HTR6: variants seen among roughly 807,000 people sequenced by gnomAD.
The protein encoded by HTR6 is 5-hydroxytryptamine receptor 6.
A neutral mutation model predicts 17.4 loss-of-function variants in HTR6; 15 were observed. The ratio of observed to expected loss-of-function variants is 0.86; its 90% CI spans 0.58 to 1.33. The LOEUF (loss-of-function observed/expected upper bound fraction) is 1.33. Ranked by LOEUF, HTR6 falls within the 40% of genes most tolerant of loss-of-function variation. The pLI, the probability that HTR6 is intolerant of heterozygous loss-of-function variation, is 0.00. For missense variants in HTR6, 578 were observed against 616.0 expected, an observed-to-expected ratio of 0.94 and a Z score of 0.65; for synonymous variants, 326 against 295.5, an observed-to-expected ratio of 1.10 and a Z score of -1.06.
At position 19,665,645 on chromosome 1, in the gene HTR6, A is replaced by G. The variant is rs2095080404; in HGVS notation, c.-109A>G. 8.5e-6 allele frequency: 6 copies of G among 705,650 alleles called. No individual in the cohort carries two copies. Among genetic ancestry groups the G allele is most frequent in the Admixed American group, 3.0e-5 (1 of 33,480 alleles). 43.7% of individuals were successfully genotyped at this position (705,650 alleles called of 1,614,324 possible). A position where few individuals can be genotyped will look rare whatever the true frequency, so the allele number is the denominator to read the frequency against. ...CTCACCTCCCCCGGGGGGCGTGGTG[A>G]GTCGCGGTCTGTTCTCACGGACGGT... is the stretch of plus-strand genomic sequence containing the variant. On this transcript the variant is annotated 5_prime_UTR_variant, in exon 1 of 3. Coordinates refer to ENST00000289753, the MANE Select transcript of HTR6 (RefSeq NM_000871.3). The surrounding 1 kb of genome is among the most constrained non-coding windows in gnomAD (Gnocchi z 4.2).
Position 19,666,665 on chromosome 1 carries a change from G to T in HTR6, c.714+198G>T, listed in dbSNP as rs2095082097. Among the ~76,000 whole-genome samples the T allele has an allele frequency of 1.3e-5, 2 of 152,000 alleles. No homozygotes were observed. The highest frequency in any genetic ancestry group is 6.6e-5 in the Admixed American group (1 of 15,242). On this transcript the variant is annotated intron_variant, in intron 1 of 2. Coordinates refer to ENST00000289753, the MANE Select transcript of HTR6 (RefSeq NM_000871.3). This position sits in a 1 kb window ranked among gnomAD's most constrained non-coding sequence, Gnocchi z 4.5. Reference sequence around the variant, plus strand: ...AGGATAGCTCCGTCAGGATTTGGGGGCAGGCTTCTCCCAGGTACCATGTAC... The same window carrying T: ...AGGATAGCTCCGTCAGGATTTGGGGTCAGGCTTCTCCCAGGTACCATGTAC...
At chr1:19,677,218 TTGTG>T (rs10582325) in intron 1 of HTR6, among the ~76,000 whole-genome samples, 60 of 148,540 alleles carry the variant, frequency 4.0e-4, no homozygotes, top group Non-Finnish European at 5.8e-4. Flanking sequence ...GGGGAGAGGT[TTGTG>T]TGTGTGTGTG....
chr1:19,675,283 G>A (rs1426131851), intron 1 of HTR6, among the ~76,000 whole-genome samples: 1 of 152,178 alleles, frequency 6.6e-6, no homozygotes, highest in Non-Finnish European at 1.5e-5. Context: ...CTCTCATAAA[G>A]ACTGAATGAC....
Position 19,664,913 on chromosome 1 carries a change from G to A in HTR6, c.-841G>A, listed in dbSNP as rs1322291145. On this transcript the variant is annotated 5_prime_UTR_variant, in exon 1 of 3. Coordinates refer to ENST00000289753, the MANE Select transcript of HTR6 (RefSeq NM_000871.3). The surrounding 1 kb of genome is among the most constrained non-coding windows in gnomAD (Gnocchi z 4.7). The stretch of plus-strand genomic sequence containing the variant: ...CCTCCGCGCGTGCGGGCCCCTCGCG[G>A]CGCCTCCCGGGCTCGGGAGACCCGG... Among the ~76,000 whole-genome samples the A allele has an allele frequency of 6.7e-6, 1 of 149,828 alleles. No homozygotes were observed. Among genetic ancestry groups the A allele is most frequent in the Non-Finnish European group, 1.5e-5 (1 of 67,138 alleles).
At chr1:19,668,026 CACCCAGGT>C (rs2095083682) in intron 1 of HTR6, among the ~76,000 whole-genome samples, 1 of 152,242 alleles carries the variant, frequency 6.6e-6, no homozygotes. Context: ...TTGCCTGTCC[CACCCAGGT>C]GGGTGAGGCC....
At chr1:19,673,263 C>A (rs1472076314) in intron 1 of HTR6, among the ~76,000 whole-genome samples, 3 of 152,142 alleles carry the variant, frequency 2.0e-5, no homozygotes, top group African/African-American at 7.2e-5. Flanking sequence ...TATTTTAGTG[C>A]CATTTTACAG....
chr1:19,679,322 C>T lies in HTR6; in HGVS notation c.1277C>T (p.Ala426Val), dbSNP rs775038337. Reference sequence around the variant, plus strand: ...GTCAATTTCTTCAACATCGACCCCGCGGAGCCCGAGCTGCGGCCGCATCCA... The same window carrying T: ...GTCAATTTCTTCAACATCGACCCCGTGGAGCCCGAGCTGCGGCCGCATCCA... The part of the protein sequence containing the change: ...AAVNFFNIDP[A>V]EPELRPHPLG... Residue 426 changes from alanine to valine, a missense_variant, in exon 3 of 3, where the codon GCG becomes GTG. By Grantham distance (64) the Ala-to-Val change is moderately conservative (BLOSUM62 0). Coordinates refer to ENST00000289753, the MANE Select transcript of HTR6 (RefSeq NM_000871.3). This position sits in a 1 kb window ranked among gnomAD's most constrained non-coding sequence, Gnocchi z 4.9. The T allele has an allele frequency of 1.5e-5, 24 of 1,604,048 alleles. No homozygotes were observed. The highest frequency in any genetic ancestry group is 2.0e-4 in the Middle Eastern group (1 of 5,048).
rs1182827569 is a variant in HTR6, at chr1:19,665,462, GC to G, written c.-290del. 1.4e-5 allele frequency: 5 copies of G among 354,338 alleles called. No individual in the cohort carries two copies. Among genetic ancestry groups the G allele is most frequent in the Non-Finnish European group, 2.5e-5 (5 of 199,854 alleles). The allele number at this position is 354,338 out of a possible 1,614,324, so 21.9% of individuals were successfully genotyped here. A position where few individuals can be genotyped will look rare whatever the true frequency, so the allele number is the denominator to read the frequency against. On this transcript the variant is annotated 5_prime_UTR_variant, in exon 1 of 3. Coordinates refer to ENST00000289753, the MANE Select transcript of HTR6 (RefSeq NM_000871.3). The surrounding 1 kb of genome is among the most constrained non-coding windows in gnomAD (Gnocchi z 4.2). ...TGACTTCCCGCCGCTTCCTTCAGGGGCCTCGGCTCATCGGGTGCCCCTCCCC... is the reference window on the plus strand; with the variant it reads ...TGACTTCCCGCCGCTTCCTTCAGGGGCTCGGCTCATCGGGTGCCCCTCCCC...
Position 19,665,456 on chromosome 1 carries a change from T to G in HTR6, c.-298T>G, listed in dbSNP as rs202017131. On this transcript the variant is annotated 5_prime_UTR_variant, in exon 1 of 3. Transcript: ENST00000289753. The surrounding 1 kb of genome is among the most constrained non-coding windows in gnomAD (Gnocchi z 4.2). ...TCTGCTTGACTTCCCGCCGCTTCCT[T>G]CAGGGGCCTCGGCTCATCGGGTGCC... 31 of 332,872 alleles carry G rather than the reference T, an allele frequency of 9.3e-5. No homozygotes were observed. Among genetic ancestry groups the G allele is most frequent in the Non-Finnish European group, 1.5e-4 (28 of 186,066 alleles). The allele number at this position is 332,872 out of a possible 1,614,324, so 20.6% of individuals were successfully genotyped here. A position where few individuals can be genotyped will look rare whatever the true frequency, so the allele number is the denominator to read the frequency against.
At position 19,666,030 on chromosome 1, in the gene HTR6, G is replaced by C; in HGVS notation, c.277G>C (p.Val93Leu). 6.2e-7 allele frequency: 1 copy of C among 1,613,670 alleles called. No individual in the cohort carries two copies. The highest frequency in any genetic ancestry group is 8.5e-7 in the Non-Finnish European group (1 of 1,179,860). ...AMLNALYGRWVLARGLCLLWT... is the reference protein window; with the variant it reads ...AMLNALYGRWLLARGLCLLWT... ...GCTGAACGCGCTGTACGGGCGCTGG[G>C]TGCTGGCGCGCGGCCTCTGCCTGCT... is the stretch of plus-strand genomic sequence containing the variant. Residue 93 changes from valine to leucine, a missense_variant, in exon 1 of 3, where the codon GTG becomes CTG. By Grantham distance (32) the Val-to-Leu change is conservative. Coordinates refer to ENST00000289753, the MANE Select transcript of HTR6 (RefSeq NM_000871.3). This position sits in a 1 kb window ranked among gnomAD's most constrained non-coding sequence, Gnocchi z 4.5.
chr1:19,671,824 A>T (rs572487932), intron 1 of HTR6, among the ~76,000 whole-genome samples: 1 of 152,160 alleles, frequency 6.6e-6, no homozygotes, highest in South Asian at 2.1e-4. Context: ...ATGGGCTTTT[A>T]AAAGGCCACT....
rs527802970 is a variant in HTR6, at chr1:19,673,622, CG to C, written c.715-4942del. The stretch of plus-strand genomic sequence containing the variant: ...CTGAGGCAGGAGAATCGCTTGAACC[CG>C]GGAGGCAGAGGTTGTGGTGAGCCGA... On this transcript the variant is annotated intron_variant, in intron 1 of 2. Transcript: ENST00000289753. Among the ~76,000 whole-genome samples, 69 of 152,230 alleles carry C rather than the reference CG, an allele frequency of 4.5e-4. 2 individuals are homozygous for C. The highest frequency in any genetic ancestry group is 4.3e-3 in the Admixed American group (65 of 15,288).
At chr1:19,669,670 C>CG (rs2095085488) in intron 1 of HTR6, among the ~76,000 whole-genome samples, 2 of 152,204 alleles carry the variant, frequency 1.3e-5, no homozygotes, top group South Asian at 4.1e-4. Context: ...CCTCAGTCCT[C>CG]GGAGCATCTC....
intron 1 of HTR6, among the ~76,000 whole-genome samples, chr1:19,672,063 G>C (rs1250605356): frequency 6.6e-6 from 1 of 151,944 alleles, no homozygotes; most frequent in East Asian, 1.9e-4. Flanking sequence ...GAGGGTCCAG[G>C]GTGTTAGGGG....
chr1:19,679,459 T>A lies in HTR6; in HGVS notation c.*91T>A. On this transcript the variant is annotated 3_prime_UTR_variant, in exon 3 of 3. Transcript: ENST00000289753. The surrounding 1 kb of genome is among the most constrained non-coding windows in gnomAD (Gnocchi z 4.9). ...CAGCTCTTGGCTAAGACCAGGAGGC[T>A]GCAAGTCTCCTAGAAGCCCTCTGAG... 3.5e-6 allele frequency: 5 copies of A among 1,439,498 alleles called. No individual in the cohort carries two copies. The highest frequency in any genetic ancestry group is 4.6e-6 in the Non-Finnish European group (5 of 1,097,032). 89.2% of individuals were successfully genotyped at this position (1,439,498 alleles called of 1,614,324 possible). A position where few individuals can be genotyped will look rare whatever the true frequency, so the allele number is the denominator to read the frequency against.
Position 19,679,822 on chromosome 1 carries a change from G to T in HTR6, c.*454G>T, listed in dbSNP as rs923691451. On this transcript the variant is annotated 3_prime_UTR_variant, in exon 3 of 3. Transcript: ENST00000289753. The surrounding 1 kb of genome is among the most constrained non-coding windows in gnomAD (Gnocchi z 4.9). ...ATTGCCGTCACCTTTGGGAGTTTGT[G>T]AAAAATGCACATCTCTGCCCCTGCC... Among the ~76,000 whole-genome samples the T allele has an allele frequency of 6.6e-6, 1 of 152,220 alleles. No homozygotes were observed. Among genetic ancestry groups the T allele is most frequent in the Non-Finnish European group, 1.5e-5 (1 of 68,038 alleles).
At chr1:19,678,133 G>C (rs4912143) in intron 1 of HTR6, among the ~76,000 whole-genome samples, 83,007 of 152,050 alleles carry the variant, frequency 0.55, 23,691 homozygotes, top group Non-Finnish European at 0.64. Context: ...TGTCTTTGCA[G>C]GGATGGTTGT....
At chr1:19,667,175 C>G (rs2095082638) in intron 1 of HTR6, among the ~76,000 whole-genome samples, 1 of 152,176 alleles carries the variant, frequency 6.6e-6, no homozygotes, top group South Asian at 2.1e-4. Flanking sequence ...GGGCTTACTT[C>G]TGTGCCCAGG....
At chr1:19,678,796 G>A in intron 2 of HTR6, 71 bp downstream of exon 2, 1 of 1,567,408 alleles carries the variant, frequency 6.4e-7, no homozygotes, top group East Asian at 2.3e-5. Flanking sequence ...CCCAGGCATG[G>A]GGACAGGGGA....
Sources: gnomAD v4.1 joint callset for allele counts (sites outside exome capture counted in the v4.1 genomes callset) on GRCh38, gnomAD v4.1.1 for gene constraint, Gnocchi (gnomAD v3.1) non-coding constraint, MANE v1.5 for transcripts, NCBI Gene and HGNC (gene_info 2026-07-23, HGNC 2026-07-21) for gene names.